NOP9: variants seen among roughly 807,000 people sequenced by gnomAD.
The protein encoded by NOP9 is NOP9 nucleolar protein.
In NOP9, 50 loss-of-function variants were observed where a neutral mutation model predicts 63.0. That is an observed-to-expected ratio of 0.79 (90% CI 0.63 to 1.00). The LOEUF (loss-of-function observed/expected upper bound fraction) is 1.00, where lower values mean the gene tolerates loss of function less well. NOP9 is among the 50% of genes least tolerant of loss of function. The pLI is 0.00. For missense variants in NOP9, 758 were observed against 803.0 expected, an observed-to-expected ratio of 0.94 and a Z score of 0.68; for synonymous variants, 343 against 332.8, an observed-to-expected ratio of 1.03 and a Z score of -0.33.
At chr14:24,282,991 A>C in the NOP9 span, among the ~76,000 whole-genome samples, 6 of 152,358 alleles carry the variant, frequency 3.9e-5, no homozygotes, top group African/African-American at 1.4e-4. Context: ...GGGCAGCAGC[A>C]TCCCACTGAG....
upstream of NOP9, chr14:24,296,609 G>A: frequency 1.2e-6 from 2 of 1,613,994 alleles, no homozygotes; most frequent in Non-Finnish European, 1.7e-6. Context: ...CAGGGAGGGT[G>A]ATGAATGATC....
chr14:24,290,195 C>T, the NOP9 span, among the ~76,000 whole-genome samples: 3 of 152,386 alleles, frequency 2.0e-5, no homozygotes, highest in East Asian at 5.8e-4. Flanking sequence ...TGAGAGTTGT[C>T]GGTGTCACAG....
intron 2 of NOP9, among the ~76,000 whole-genome samples, chr14:24,301,205 GTTAT>G (rs2041370978): frequency 6.6e-6 from 1 of 151,952 alleles, no homozygotes; most frequent in Admixed American, 6.6e-5. Flanking sequence ...AGCCCACTCT[GTTAT>G]TTTTTTTTCC....
upstream of NOP9, chr14:24,296,371 T>G: frequency 1.2e-6 from 1 of 809,376 alleles, no homozygotes; most frequent in Non-Finnish European, 2.0e-6. Flanking sequence ...CAGAGGTAAG[T>G]GGGACAAATG....
At chr14:24,283,452 T>A in the NOP9 span, among the ~76,000 whole-genome samples, 11 of 151,832 alleles carry the variant, frequency 7.2e-5, no homozygotes, top group African/African-American at 2.7e-4. Flanking sequence ...AAAAAAAACT[T>A]AACCAGGCAT....
rs957578005 is a variant in NOP9, at chr14:24,306,224, G to A, written c.*1129G>A. ...TCAGCACTGGGTCAGACCCTCCCTC[G>A]CTTGGACTTTCTGTCCACTGTGTGA... On this transcript the variant is annotated 3_prime_UTR_variant, in exon 10 of 10. Transcript: ENST00000267425. 3.3e-6 allele frequency: 5 copies of A among 1,525,458 alleles called. No individual in the cohort carries two copies. The highest frequency in any genetic ancestry group is 1.7e-5 in the Admixed American group (1 of 57,418). The allele number at this position is 1,525,458 out of a possible 1,614,324, so 94.5% of individuals were successfully genotyped here. A position where few individuals can be genotyped will look rare whatever the true frequency, so the allele number is the denominator to read the frequency against.
the NOP9 span, chr14:24,293,048 CAA>C: frequency 1.4e-3 from 605 of 439,042 alleles, no homozygotes; most frequent in Non-Finnish European, 2.1e-3. Flanking sequence ...CAATTACAAA[CAA>C]AATTGTTCAG....
In NOP9 at chr14:24,303,580, G is replaced by A. The variant is rs974189337; in HGVS notation, c.1285-152G>A. 9 of 750,270 alleles carry A rather than the reference G, an allele frequency of 1.2e-5. No individual in the cohort carries two copies. In the African/African-American group the frequency reaches 1.6e-4, roughly 13 times the overall value. 46.5% of individuals were successfully genotyped at this position (750,270 alleles called of 1,614,324 possible). On this transcript the variant is annotated intron_variant, in intron 6 of 9. Transcript: ENST00000267425. ...TTATTAACCCCTGTATGTGATAGAG[G>A]CTGGGGATACAGCAAGGCATGACAT...
At chr14:24,279,157 C>T in the NOP9 span, among the ~76,000 whole-genome samples, 75,799 of 151,956 alleles carry the variant, frequency 0.5, 20,669 homozygotes, top group African/African-American at 0.72. Flanking sequence ...TTTGTGAGAA[C>T]GTAGTAGTGG....
At chr14:24,295,580 G>C (rs1226613049), upstream of NOP9, among the ~76,000 whole-genome samples, 1 of 152,196 alleles carries the variant, frequency 6.6e-6, no homozygotes, top group Non-Finnish European at 1.5e-5. Flanking sequence ...CCTCTGCCTT[G>C]AATCTCTGCT....
At chr14:24,285,287 C>T in the NOP9 span, among the ~76,000 whole-genome samples, 1 of 152,202 alleles carries the variant, frequency 6.6e-6, no homozygotes, top group Non-Finnish European at 1.5e-5. Context: ...TGCTTCTCTG[C>T]TGTCATTAGT....
the NOP9 span, among the ~76,000 whole-genome samples, chr14:24,284,988 C>T: frequency 5.5e-4 from 84 of 152,210 alleles, 1 homozygote; most frequent in Non-Finnish European, 1.6e-4. Context: ...GGAAACTCCT[C>T]CTCAGTGACT....
Position 24,299,936 on chromosome 14 carries a change from G to T in NOP9, c.-19G>T. 6.6e-7 allele frequency: 1 copy of T among 1,519,548 alleles called. No individual in the cohort carries two copies. The highest frequency in any genetic ancestry group is 8.8e-7 in the Non-Finnish European group (1 of 1,134,942). The allele number at this position is 1,519,548 out of a possible 1,614,324, so 94.1% of individuals were successfully genotyped here. ...GCAGTTAAGGAAGCTTTTGCAGCCG[G>T]ACAGGTCGCGAAGCACACATGGGGC... On this transcript the variant is annotated 5_prime_UTR_variant, in exon 1 of 10. Transcript: ENST00000267425.
At chr14:24,303,961 T>A in intron 7 of NOP9, 80 bp from the exon 8 acceptor site, 1 of 1,579,858 alleles carries the variant, frequency 6.3e-7, no homozygotes, top group South Asian at 1.1e-5. Context: ...TTCATCCAGG[T>A]GGAGGTGGCA....
chr14:24,273,057 G>C, the NOP9 span, among the ~76,000 whole-genome samples: 2 of 152,222 alleles, frequency 1.3e-5, no homozygotes, highest in Admixed American at 6.5e-5. Context: ...TGAGGTTCAG[G>C]GTGGCTAGTG....
the NOP9 span, chr14:24,294,289 T>C: frequency 1.3e-5 from 2 of 152,034 alleles, no homozygotes; most frequent in Non-Finnish European, 2.9e-5. Flanking sequence ...TTTCTGTGTA[T>C]ATAAAGAGCA....
intron 2 of NOP9, 97 bp downstream of exon 2, chr14:24,300,954 C>A: frequency 3.0e-6 from 3 of 1,006,476 alleles, no homozygotes; most frequent in Non-Finnish European, 4.4e-6. Context: ...CATGGGGGAG[C>A]TTGACCGGGA....
rs117351891 is a variant in NOP9, at chr14:24,303,654, T to G, written c.1285-78T>G. Reference sequence around the variant, plus strand: ...TTGTGGAGTTGGGCCTTCTTTCCTTTCCTGAAGGTGTTCCCTTAAAGTTGA... The same window carrying G: ...TTGTGGAGTTGGGCCTTCTTTCCTTGCCTGAAGGTGTTCCCTTAAAGTTGA... On this transcript the variant is annotated intron_variant, in intron 6 of 9. Coordinates refer to ENST00000267425, the MANE Select transcript of NOP9 (RefSeq NM_174913.3). 236 of 1,500,896 alleles carry G rather than the reference T, an allele frequency of 1.6e-4. 1 individual carries two copies. In the East Asian group the frequency reaches 4.8e-3, roughly 31 times the overall value. The allele number at this position is 1,500,896 out of a possible 1,614,324, so 93.0% of individuals were successfully genotyped here.
the NOP9 span, chr14:24,291,672 T>A: frequency 6.4e-7 from 1 of 1,560,588 alleles, no homozygotes; most frequent in Non-Finnish European, 8.8e-7. Flanking sequence ...CCAAGAGCAC[T>A]GCCCAGGTCT....
Sources: gnomAD v4.1 joint callset for allele counts (sites outside exome capture counted in the v4.1 genomes callset) on GRCh38, gnomAD v4.1.1 for gene constraint, MANE v1.5 for transcripts, NCBI Gene and HGNC (gene_info 2026-07-23, HGNC 2026-07-21) for gene names.